PAQR5: variants seen among roughly 807,000 people sequenced by gnomAD.
PAQR5 encodes progestin and adipoQ receptor family member 5.
PAQR5 carries 20 observed loss-of-function variants against 34.5 expected under a neutral mutation model. The ratio of observed to expected loss-of-function variants is 0.58; its 90% CI spans 0.41 to 0.84. PAQR5 has a LOEUF of 0.84. PAQR5 is among the 40% of genes least tolerant of loss of function. The pLI, the probability that PAQR5 is intolerant of heterozygous loss-of-function variation, is 0.00. For missense variants in PAQR5, 378 were observed against 412.7 expected (o/e 0.92, Z 0.73); for synonymous variants, 131 against 155.6 (o/e 0.84, Z 1.18).
rs1199814260 is a variant in PAQR5, at chr15:69,403,708, T to G, written c.879T>G (p.Ser293=). Residue 293 remains serine (S), a synonymous_variant, in exon 9 of 9, where the codon TCT becomes TCG. Coordinates refer to ENST00000395407, the MANE Select transcript of PAQR5 (RefSeq NM_017705.4). ...CCACCTCCAAGCCCTTCTCTTTCTC[T>G]CAGATAGCTGGAGCCATACTTCTGT... The part of the protein sequence containing the change: ...LLATSKPFSF[S]QIAGAILLCI... 6.2e-7 allele frequency: 1 copy of G among 1,614,160 alleles called. No homozygotes were observed. The highest frequency in any genetic ancestry group is 1.1e-5 in the South Asian group (1 of 91,084).
At chr15:69,341,638 G>A (rs2054646954) in intron 2 of PAQR5, among the ~76,000 whole-genome samples, 1 of 152,054 alleles carries the variant, frequency 6.6e-6, no homozygotes, top group Non-Finnish European at 1.5e-5. Context: ...TGTGAGTAAT[G>A]CTGCTATGAA....
intron 2 of PAQR5, among the ~76,000 whole-genome samples, chr15:69,346,628 T>TA (rs1353236099): frequency 9.3e-5 from 14 of 150,460 alleles, no homozygotes; most frequent in Non-Finnish European, 1.9e-4. Flanking sequence ...GCAATTTTTT[T>TA]TTTTTTTTTT....
At chr15:69,354,045 C>T (rs997579826) in intron 2 of PAQR5, among the ~76,000 whole-genome samples, 5 of 152,136 alleles carry the variant, frequency 3.3e-5, no homozygotes, top group African/African-American at 1.2e-4. Flanking sequence ...CTCTTTGGGC[C>T]TCTCTTAGAA....
intron 5 of PAQR5, 50 bp downstream of exon 5, chr15:69,384,932 G>T (rs2056066914): frequency 6.9e-7 from 1 of 1,443,496 alleles, no homozygotes; most frequent in Admixed American, 1.8e-5. Flanking sequence ...CGGGCTGTTT[G>T]CCCCTTCTCC....
intron 1 of PAQR5, among the ~76,000 whole-genome samples, chr15:69,305,847 T>C (rs2053704106): frequency 1.3e-5 from 2 of 152,212 alleles, no homozygotes; most frequent in African/African-American, 4.8e-5. Context: ...CCTTCTGACC[T>C]TGTCGCTTAA....
chr15:69,347,469 A>T (rs578186812), intron 2 of PAQR5, among the ~76,000 whole-genome samples: 1 of 152,224 alleles, frequency 6.6e-6, no homozygotes. Context: ...CTTACACCCC[A>T]TATTTTCTTT....
rs1343220874 is a variant in PAQR5, at chr15:69,407,476, A to G, written c.*3654A>G. On this transcript the variant is annotated 3_prime_UTR_variant, in exon 9 of 9. Coordinates refer to ENST00000395407, the MANE Select transcript of PAQR5 (RefSeq NM_017705.4). ...AAACACCTATTAACACGGTACAACA[A>G]CACTTCAAAACATATTATTTGAATT... The G allele has an allele frequency of 6.6e-6, 1 of 152,210 alleles. No individual in the cohort carries two copies. Among genetic ancestry groups the G allele is most frequent in the African/African-American group, 2.4e-5 (1 of 41,446 alleles). 9.4% of individuals were successfully genotyped at this position (152,210 alleles called of 1,614,324 possible).
intron 2 of PAQR5, among the ~76,000 whole-genome samples, chr15:69,357,558 T>C (rs2055112575): frequency 1.3e-5 from 2 of 152,166 alleles, no homozygotes; most frequent in Non-Finnish European, 2.9e-5. Context: ...GCTACCACAC[T>C]TGGCCTCAGG....
At chr15:69,374,607 G>A (rs879372092) in intron 3 of PAQR5, among the ~76,000 whole-genome samples, 1 of 152,146 alleles carries the variant, frequency 6.6e-6, no homozygotes, top group Non-Finnish European at 1.5e-5. Flanking sequence ...AACCCAGGAG[G>A]CAGAGCTTGC....
At chr15:69,368,623 A>T (rs1019160064) in intron 3 of PAQR5, among the ~76,000 whole-genome samples, 1 of 151,994 alleles carries the variant, frequency 6.6e-6, no homozygotes, top group African/African-American at 2.4e-5. Flanking sequence ...CATATTTTCT[A>T]TCTATTACTC....
At chr15:69,355,846 G>A (rs74020648) in intron 2 of PAQR5, among the ~76,000 whole-genome samples, 3,152 of 151,824 alleles carry the variant, frequency 0.021, 113 homozygotes, top group African/African-American at 0.072. Flanking sequence ...TCTATTCTGC[G>A]TATCACAAAC....
intron 6 of PAQR5, among the ~76,000 whole-genome samples, chr15:69,394,032 C>G (rs2056342682): frequency 6.6e-6 from 1 of 152,078 alleles, no homozygotes; most frequent in Non-Finnish European, 1.5e-5. Context: ...TCAGGAATGT[C>G]AGTTACACAG....
At chr15:69,352,760 G>A (rs2054955712) in intron 2 of PAQR5, among the ~76,000 whole-genome samples, 1 of 152,214 alleles carries the variant, frequency 6.6e-6, no homozygotes, top group Non-Finnish European at 1.5e-5. Flanking sequence ...ATGGCCAGAT[G>A]TATATAGTTT....
In PAQR5 at chr15:69,403,882, A is replaced by G. The variant is rs2056709601; in HGVS notation, c.*60A>G. ...ATTAAGCTGCAACATCCTAACCACC[A>G]TAAGCCGGAGGTGGTTACAGCTTAT... On this transcript the variant is annotated 3_prime_UTR_variant, in exon 9 of 9. Transcript: ENST00000395407. The G allele has an allele frequency of 6.4e-7, 1 of 1,572,578 alleles. No homozygotes were observed. The highest frequency in any genetic ancestry group is 2.2e-5 in the East Asian group (1 of 44,562).
chr15:69,302,416 AG>A (rs142950252), intron 1 of PAQR5, among the ~76,000 whole-genome samples: 14,930 of 152,042 alleles, frequency 0.098, 786 homozygotes, highest in East Asian at 0.14. Context: ...TCCCCATGTA[AG>A]GGGAGGGGAC....
chr15:69,322,778 AGAAGAAGAC>A (rs1566998053), intron 1 of PAQR5, among the ~76,000 whole-genome samples: 968 of 92,418 alleles, frequency 0.01, 249 homozygotes, highest in African/African-American at 0.034. Context: ...AAGAGGGAGA[AGAAGAAGAC>A]GAGGAAGAAG....
At chr15:69,391,626 A>G (rs1460776467) in intron 6 of PAQR5, 3 of 455,720 alleles carry the variant, frequency 6.6e-6, no homozygotes, top group African/African-American at 6.0e-5. Flanking sequence ...TGGTCCTTGG[A>G]CCAGTCACTG....
chr15:69,387,903 G>A lies in PAQR5; in HGVS notation c.386-1751G>A, dbSNP rs1342621013. On this transcript the variant is annotated intron_variant, in intron 5 of 8. Transcript: ENST00000395407. ...TGCCCTTCCTCCAACCCCCAGACCTGGATATACCCCCACCATGATTCTTCT... is the reference window on the plus strand; with the variant it reads ...TGCCCTTCCTCCAACCCCCAGACCTAGATATACCCCCACCATGATTCTTCT... 3.4e-4 allele frequency among the ~76,000 whole-genome samples: 3 copies of A among 8,760 alleles called. No homozygotes were observed. The East Asian group carries it at 0.015, about 44-fold the overall frequency. 5.7% of individuals were successfully genotyped at this position (8,760 alleles called of 152,430 possible). A position where few individuals can be genotyped will look rare whatever the true frequency, so the allele number is the denominator to read the frequency against.
chr15:69,394,954 C>G (rs189617264), intron 6 of PAQR5, among the ~76,000 whole-genome samples: 1 of 152,208 alleles, frequency 6.6e-6, no homozygotes, highest in South Asian at 2.1e-4. Context: ...GGTCCGTTTG[C>G]CCCTGGGGAA....
Sources: allele counts gnomAD v4.1 joint callset (sites outside exome capture counted in the v4.1 genomes callset), GRCh38; gene constraint gnomAD v4.1.1; transcripts MANE v1.5; gene names NCBI Gene and HGNC (gene_info 2026-07-23, HGNC 2026-07-21).